NREP: variants seen among roughly 807,000 people sequenced by gnomAD.
The protein encoded by NREP is neuronal regeneration related protein.
A neutral mutation model predicts 8.6 loss-of-function variants in NREP; 5 were observed. The ratio of observed to expected loss-of-function variants is 0.58; its 90% confidence interval spans 0.30 to 1.22. The LOEUF (loss-of-function observed/expected upper bound fraction) is 1.22, where lower values mean the gene tolerates loss of function less well. NREP is among the 50% of genes most tolerant of loss of function. The pLI is 0.07. For missense variants in NREP, 86 were observed against 82.5 expected, an observed-to-expected ratio of 1.04 and a Z score of -0.17; for synonymous variants, 27 against 28.0, an observed-to-expected ratio of 0.96 and a Z score of 0.11.
chr5:111,949,364 T>A (rs958837809), intron 2 of NREP, among the ~76,000 whole-genome samples: 5 of 50,992 alleles, frequency 9.8e-5, no homozygotes, highest in African/African-American at 3.6e-4. Flanking sequence ...CCCTAGGGAT[T>A]TTTTTTTTTA....
At chr5:111,870,473 C>T (rs771379727) in intron 2 of NREP, among the ~76,000 whole-genome samples, 12 of 152,158 alleles carry the variant, frequency 7.9e-5, no homozygotes, top group Non-Finnish European at 1.5e-4. Context: ...AATTTTCTTG[C>T]GTGAAACTAA....
intron 2 of NREP, among the ~76,000 whole-genome samples, chr5:111,887,417 A>G (rs1302865104): frequency 1.3e-5 from 2 of 152,236 alleles, no homozygotes; most frequent in African/African-American, 4.8e-5. Context: ...TGTTACTTCA[A>G]ATAAAGTACT....
chr5:111,900,321 A>T (rs993221322), intron 2 of NREP, among the ~76,000 whole-genome samples: 4 of 152,038 alleles, frequency 2.6e-5, no homozygotes, highest in African/African-American at 4.8e-5. Context: ...TGCCTAAATT[A>T]AAAAAGTAGA....
intron 2 of NREP, among the ~76,000 whole-genome samples, chr5:111,921,245 C>A (rs1004791081): frequency 6.6e-6 from 1 of 152,062 alleles, no homozygotes; most frequent in Non-Finnish European, 1.5e-5. Flanking sequence ...CTACTTCCTG[C>A]TGGAGATGGT....
intron 2 of NREP, among the ~76,000 whole-genome samples, chr5:111,931,071 T>C (rs924895327): frequency 6.6e-6 from 1 of 152,056 alleles, no homozygotes; most frequent in Non-Finnish European, 1.5e-5. Context: ...GGCATTGAGA[T>C]GCTGAATTAA....
chr5:111,958,034 G>A (rs1001852455), intron 2 of NREP, among the ~76,000 whole-genome samples: 44 of 151,856 alleles, frequency 2.9e-4, no homozygotes, highest in African/African-American at 3.9e-4. Context: ...TGAAGCTTTC[G>A]AAAGCTAACA....
chr5:111,802,717 T>G (rs1489138945), intron 2 of NREP, among the ~76,000 whole-genome samples: 5 of 152,240 alleles, frequency 3.3e-5, no homozygotes, highest in African/African-American at 1.2e-4. Context: ...TAAAACATAA[T>G]GTATTCTTTT....
At chr5:111,756,312 A>AAACCC in intron 1 of NREP, 1 of 99,468 alleles carries the variant, frequency 1.0e-5, no homozygotes, top group Non-Finnish European at 1.6e-5. Flanking sequence ...AAAAAAAAAA[A>AAACCC]CCCTACACGG....
intron 2 of NREP, among the ~76,000 whole-genome samples, chr5:111,796,302 G>T (rs1217858247): frequency 1.3e-5 from 2 of 151,944 alleles, no homozygotes; most frequent in Non-Finnish European, 2.9e-5. Flanking sequence ...ATCTTTTAAG[G>T]ACCCTCGTGA....
intron 2 of NREP, among the ~76,000 whole-genome samples, chr5:111,878,718 G>A (rs554366321): frequency 2.6e-5 from 4 of 152,278 alleles, no homozygotes; most frequent in African/African-American, 7.2e-5. Flanking sequence ...GTAAGAGGTC[G>A]ACAGTCAGAT....
chr5:111,928,796 A>G lies in NREP; in HGVS notation c.135+46478T>C, dbSNP rs142260344. On this transcript the variant is annotated intron_variant, in intron 2 of 3. Transcript: ENST00000395634. ...GCCCATAGACCACAGACACATTTGT[A>G]TGTTGCCAATTTAGGAAAGAATACA... Among the ~76,000 whole-genome samples, 3 of 152,276 alleles carry G rather than the reference A, an allele frequency of 2.0e-5. No individual in the cohort carries two copies. The East Asian group carries it at 5.8e-4, about 29-fold the overall frequency.
intron 2 of NREP, among the ~76,000 whole-genome samples, chr5:111,809,569 G>C (rs556523533): frequency 1.6e-4 from 24 of 152,216 alleles, no homozygotes; most frequent in South Asian, 1.0e-3. Context: ...GTTTCTGTGA[G>C]AGTGGATTCT....
chr5:111,731,004 C>G lies in NREP; in HGVS notation c.124G>C (p.Asp42His), dbSNP rs1026566263. The G allele has an allele frequency of 2.5e-6, 4 of 1,613,790 alleles. No homozygotes were observed. The African/African-American group carries it at 5.3e-5, about 22-fold the overall frequency. The change falls in exon 4 of 4, where the codon GAT becomes CAT. Residue 42 changes from aspartate to histidine, a missense_variant. Coordinates refer to ENST00000257435, the MANE Select transcript of NREP (RefSeq NM_004772.4). ...GTCAGGGAGGCAGCGTTTGTCTCATCGTTCTTCTTGCGGTTCACTTCCTTT... is the reference window on the plus strand; with the variant it reads ...GTCAGGGAGGCAGCGTTTGTCTCATGGTTCTTCTTGCGGTTCACTTCCTTT... ...VPKEVNRKKN[D>H]ETNAASLTPL...
intron 2 of NREP, among the ~76,000 whole-genome samples, chr5:111,741,234 A>G (rs1749630576): frequency 6.6e-6 from 1 of 152,174 alleles, no homozygotes; most frequent in African/African-American, 2.4e-5. Flanking sequence ...TTCTTTCTGC[A>G]GCAAAGGGGT....
At chr5:111,788,030 C>G (rs1428148330) in intron 2 of NREP, among the ~76,000 whole-genome samples, 1 of 152,072 alleles carries the variant, frequency 6.6e-6, no homozygotes, top group African/African-American at 2.4e-5. Context: ...GAGGGGGAGT[C>G]TGCTGTAAAC....
intron 2 of NREP, among the ~76,000 whole-genome samples, chr5:111,914,743 C>A (rs781239168): frequency 9.9e-5 from 15 of 152,042 alleles, no homozygotes; most frequent in Admixed American, 2.6e-4. Flanking sequence ...CTGTTCCCAA[C>A]AAGCTGAAGT....
chr5:111,819,623 T>C (rs924821064), intron 2 of NREP, among the ~76,000 whole-genome samples: 5 of 152,176 alleles, frequency 3.3e-5, no homozygotes, highest in Admixed American at 3.3e-4. Context: ...AAATATGGGG[T>C]TAGGTTCCTG....
At chr5:111,874,613 A>T (rs17133839) in intron 2 of NREP, among the ~76,000 whole-genome samples, 32,562 of 152,108 alleles carry the variant, frequency 0.21, 5,252 homozygotes, top group African/African-American at 0.45. Context: ...AAGACAGTAA[A>T]GACCTTTGGA....
intron 2 of NREP, among the ~76,000 whole-genome samples, chr5:111,852,381 C>T (rs527266817): frequency 7.0e-4 from 106 of 152,188 alleles, no homozygotes; most frequent in Non-Finnish European, 1.2e-3. Context: ...ATGTGAGGTC[C>T]CCTTCACACT....
Sources: gnomAD v4.1 joint callset for allele counts (sites outside exome capture counted in the v4.1 genomes callset) on GRCh38, gnomAD v4.1.1 for gene constraint, MANE v1.5 for transcripts, NCBI Gene and HGNC (gene_info 2026-07-23, HGNC 2026-07-21) for gene names.